Variants in PRLR observed in about 807,000 individuals in gnomAD.
PRLR encodes hPRL receptor.
PRLR carries 13 observed loss-of-function variants against 40.2 expected under a neutral mutation model. The observed-to-expected ratio is 0.32, with a 90% confidence interval of 0.21 to 0.51. PRLR has a LOEUF of 0.51. PRLR is among the 20% of genes least tolerant of loss of function. The probability of loss-of-function intolerance (pLI) is 0.97; values close to 1 mark genes in which losing one functional copy is unlikely to be tolerated. For missense variants in PRLR, 656 were observed against 747.3 expected (o/e 0.88, Z 1.42); for synonymous variants, 269 against 278.7 (o/e 0.97, Z 0.35).
In PRLR at chr5:35,079,720, G is replaced by C. The variant is rs917725004; in HGVS notation, c.373+4750C>G. 2.6e-5 allele frequency among the ~76,000 whole-genome samples: 4 copies of C among 152,306 alleles called. No homozygotes were observed. In the South Asian group the frequency reaches 6.2e-4, roughly 24 times the overall value. Reference sequence around the variant, plus strand: ...TTCATGTGGGACCAAAAAAGAGCCCGTATTGCCAAAACAATCTTAAGCCAA... The same window carrying C: ...TTCATGTGGGACCAAAAAAGAGCCCCTATTGCCAAAACAATCTTAAGCCAA... On this transcript the variant is annotated intron_variant, in intron 5 of 9. Transcript: ENST00000618457.
In PRLR at chr5:35,057,186, C is replaced by T. The variant is rs988789096; in HGVS notation, c.*7903G>A. On this transcript the variant is annotated 3_prime_UTR_variant, in exon 10 of 10. Transcript: ENST00000618457. The stretch of plus-strand genomic sequence containing the variant: ...TGGTTCCATCTCCCCTCATTTTTCT[C>T]AGCCTCCCATGTTATAGGGATGAGG... 1.2e-4 allele frequency: 18 copies of T among 152,136 alleles called. No individual in the cohort carries two copies. Among genetic ancestry groups the T allele is most frequent in the African/African-American group, 4.1e-4 (17 of 41,432 alleles). 9.4% of individuals were successfully genotyped at this position (152,136 alleles called of 1,614,324 possible). A position where few individuals can be genotyped will look rare whatever the true frequency, so the allele number is the denominator to read the frequency against.
intron 2 of PRLR, among the ~76,000 whole-genome samples, chr5:35,090,936 G>A (rs954145117): frequency 2.0e-5 from 3 of 149,928 alleles, no homozygotes; most frequent in African/African-American, 4.9e-5. Flanking sequence ...TCGGCCTCCC[G>A]AGTAGCTGGG....
chr5:35,137,959 T>C (rs943511257), intron 1 of PRLR, among the ~76,000 whole-genome samples: 2 of 152,212 alleles, frequency 1.3e-5, no homozygotes, highest in African/African-American at 2.4e-5. Flanking sequence ...GGTTAAAATA[T>C]TAAAATGTTT....
intron 1 of PRLR, among the ~76,000 whole-genome samples, chr5:35,213,816 T>A (rs1248652290): frequency 6.6e-6 from 1 of 152,150 alleles, no homozygotes; most frequent in Admixed American, 6.5e-5. Flanking sequence ...AAAACCCATA[T>A]CATTTCATCT....
chr5:35,171,331 A>G (rs1391503934), intron 1 of PRLR, among the ~76,000 whole-genome samples: 1 of 152,122 alleles, frequency 6.6e-6, no homozygotes, highest in African/African-American at 2.4e-5. Flanking sequence ...GAAATTTACC[A>G]TTGGATAGAG....
rs184220211 is a variant in PRLR at position 35,088,586 on chromosome 5, A to G, written c.70+965T>C. 4.0e-3 allele frequency among the ~76,000 whole-genome samples: 607 copies of G among 152,274 alleles called. 3 individuals are homozygous for G. The highest frequency in any genetic ancestry group is 0.014 in the African/African-American group (574 of 41,540). On this transcript the variant is annotated intron_variant, in intron 3 of 9. Transcript: ENST00000618457. ...ATTAATAGTACCTTCAGGAAGCTCA[A>G]GAGAGGAGGGTAGATTTGTAAAATT...
At chr5:35,146,396 G>A (rs557890589) in intron 1 of PRLR, among the ~76,000 whole-genome samples, 2 of 152,080 alleles carry the variant, frequency 1.3e-5, no homozygotes, top group South Asian at 2.1e-4. Flanking sequence ...TGTGTGCATC[G>A]TTTTATCACA....
At chr5:35,069,898 C>G (rs1421203650) in intron 7 of PRLR, among the ~76,000 whole-genome samples, 1 of 152,224 alleles carries the variant, frequency 6.6e-6, no homozygotes, top group Non-Finnish European at 1.5e-5. Flanking sequence ...CTTGGGGCAT[C>G]AGACCCATGT....
intron 1 of PRLR, among the ~76,000 whole-genome samples, chr5:35,119,668 A>T (rs1368908902): frequency 6.6e-6 from 1 of 152,136 alleles, no homozygotes; most frequent in Non-Finnish European, 1.5e-5. Context: ...AGATTCTAAG[A>T]ATTATTTTAG....
rs531577761 is a variant in PRLR at position 35,230,043 on chromosome 5, G to C, written c.-106+225C>G. On this transcript the variant is annotated intron_variant, in intron 1 of 9. Coordinates refer to ENST00000618457, the MANE Select transcript of PRLR (RefSeq NM_000949.7). ...CAAAGCACCTTAAGAGTATTTTTTA[G>C]CCCCTCTGAGAAGGGACATCCGGGC... is the stretch of plus-strand genomic sequence containing the variant. 9.4e-4 allele frequency among the ~76,000 whole-genome samples: 143 copies of C among 152,076 alleles called. 1 individual carries two copies. Among genetic ancestry groups the C allele is most frequent in the African/African-American group, 3.1e-3 (129 of 41,482 alleles).
intron 1 of PRLR, among the ~76,000 whole-genome samples, chr5:35,123,367 CT>C (rs1773353333): frequency 6.6e-6 from 1 of 152,156 alleles, no homozygotes; most frequent in Admixed American, 6.5e-5. Flanking sequence ...AACCAAGCTT[CT>C]TAATAGGGAG....
rs550159621 is a variant in PRLR, at chr5:35,066,825, A to G, written c.856-723T>C. Reference sequence around the variant, plus strand: ...GTTGCCCAGGCTGGAGTGCAGTGGCATGATCTCGGATCACTGCAAGCTCCG... The same window carrying G: ...GTTGCCCAGGCTGGAGTGCAGTGGCGTGATCTCGGATCACTGCAAGCTCCG... On this transcript the variant is annotated intron_variant, in intron 9 of 9. Coordinates refer to ENST00000618457, the MANE Select transcript of PRLR (RefSeq NM_000949.7). Among the ~76,000 whole-genome samples, 260 of 134,974 alleles carry G rather than the reference A, an allele frequency of 1.9e-3. 1 individual carries two copies. The highest frequency in any genetic ancestry group is 6.8e-3 in the African/African-American group (234 of 34,560). 88.5% of individuals were successfully genotyped at this position (134,974 alleles called of 152,430 possible).
chr5:35,085,924 A>G (rs949638106), intron 4 of PRLR, among the ~76,000 whole-genome samples: 4 of 152,086 alleles, frequency 2.6e-5, no homozygotes, highest in African/African-American at 9.7e-5. Context: ...ATGAAGTCTC[A>G]GGGTGAGGAG....
intron 1 of PRLR, among the ~76,000 whole-genome samples, chr5:35,177,930 T>C (rs1052085955): frequency 1.3e-5 from 2 of 152,170 alleles, no homozygotes; most frequent in African/African-American, 4.8e-5. Flanking sequence ...CTACCAATAG[T>C]GTATGAGGGT....
At chr5:35,110,144 A>G (rs1480347804) in intron 2 of PRLR, among the ~76,000 whole-genome samples, 1 of 152,012 alleles carries the variant, frequency 6.6e-6, no homozygotes, top group Non-Finnish European at 1.5e-5. Flanking sequence ...GCATGTTCTC[A>G]CTCACAGATG....
At chr5:35,222,158 C>T (rs1776438773) in intron 1 of PRLR, among the ~76,000 whole-genome samples, 3 of 152,108 alleles carry the variant, frequency 2.0e-5, no homozygotes, top group Admixed American at 1.3e-4. Flanking sequence ...CAAAAATTAG[C>T]CGGGCTTGGT....
At chr5:35,073,087 T>C (rs1460260700) in intron 5 of PRLR, among the ~76,000 whole-genome samples, 1 of 152,114 alleles carries the variant, frequency 6.6e-6, no homozygotes, top group Non-Finnish European at 1.5e-5. Flanking sequence ...CAAGTGGGAG[T>C]TGGCATGGAA....
intron 1 of PRLR, among the ~76,000 whole-genome samples, chr5:35,126,299 G>C (rs1056746110): frequency 6.6e-6 from 1 of 152,136 alleles, no homozygotes; most frequent in Non-Finnish European, 1.5e-5. Flanking sequence ...TAAGCCAGGG[G>C]ATCTGGCTCC....
intron 1 of PRLR, among the ~76,000 whole-genome samples, chr5:35,223,882 T>C (rs1776482880): frequency 6.6e-6 from 1 of 152,198 alleles, no homozygotes; most frequent in African/African-American, 2.4e-5. Flanking sequence ...TGTGTTGCTG[T>C]TGATGTAGAA....
Sources: allele counts gnomAD v4.1 joint callset (sites outside exome capture counted in the v4.1 genomes callset), GRCh38; gene constraint gnomAD v4.1.1; transcripts MANE v1.5; gene names NCBI Gene and HGNC (gene_info 2026-07-23, HGNC 2026-07-21).